Variants in FOXK1 observed in about 807,000 individuals in gnomAD.
FOXK1 encodes forkhead box protein K1.
In FOXK1, 19 loss-of-function variants were observed where a neutral mutation model predicts 51.9. The ratio of observed to expected loss-of-function variants is 0.37; its 90% CI spans 0.26 to 0.54. The LOEUF (loss-of-function observed/expected upper bound fraction) is 0.54. FOXK1 is among the 20% of genes least tolerant of loss of function. The pLI is 0.87. For missense variants in FOXK1, 870 were observed against 1,032.7 expected (o/e 0.84, Z 2.16); for synonymous variants, 537 against 482.6 (o/e 1.11, Z -1.48).
rs199578801 is a variant in FOXK1 at position 4,757,162 on chromosome 7, A to G, written c.1219A>G (p.Thr407Ala). ...RRQRGVSCFR[T>A]PFGPLSSRSA... ...GCAGAGGGGTGTCTCCTGCTTCCGC[A>G]CCCCCTTCGGGCCTCTGTCCTCAAG... The change falls in exon 5 of 9, where the codon ACC becomes GCC. Residue 407 changes from threonine (T) to alanine (A), a missense_variant. Thr to Ala is a moderately conservative substitution (Grantham distance 58). This residue lies in a region of FOXK1 where 457 missense variants were observed against 510.8 expected (regional missense o/e 0.89). Transcript: ENST00000328914. The G allele has an allele frequency of 1.9e-6, 3 of 1,609,520 alleles. No individual in the cohort carries two copies. The highest frequency in any genetic ancestry group is 2.2e-5 in the South Asian group (2 of 90,844).
rs1406356892 is a variant in FOXK1, at chr7:4,761,289, G to A, written c.1921+1G>A. The A allele has an allele frequency of 1.9e-6, 3 of 1,610,910 alleles. No individual in the cohort carries two copies. The highest frequency in any genetic ancestry group is 8.5e-7 in the Non-Finnish European group (1 of 1,179,686). ...AACAGTTTAGCCGGCAACGCTTACG[G>A]TGAGGCCCTGGCCCTGTTCTCCATG... On this transcript the variant is annotated splice_donor_variant, in intron 8 of 8. Transcript: ENST00000328914. LOFTEE classifies it high-confidence loss of function. The surrounding 1 kb of genome is among the most constrained non-coding windows in gnomAD (Gnocchi z 6.2).
chr7:4,741,921 C>T (rs1213635076), intron 2 of FOXK1, among the ~76,000 whole-genome samples: 1 of 152,220 alleles, frequency 6.6e-6, no homozygotes, highest in South Asian at 2.1e-4. Context: ...TGGCCCTGGT[C>T]CTGTCATACA....
At chr7:4,712,222 A>T (rs1780184229) in intron 1 of FOXK1, among the ~76,000 whole-genome samples, 1 of 152,060 alleles carries the variant, frequency 6.6e-6, no homozygotes. Context: ...GTCAGACTTC[A>T]CCAAGAGCAT....
rs1428448100 is a variant in FOXK1 at position 4,759,593 on chromosome 7, G to C, written c.1694G>C (p.Arg565Thr). 1.3e-6 allele frequency: 2 copies of C among 1,534,970 alleles called. No individual in the cohort carries two copies. Among genetic ancestry groups the C allele is most frequent in the African/African-American group, 1.4e-5 (1 of 73,186 alleles). The part of the protein sequence containing the change: ...AAVLDLGSEA[R>T]GLEEKPTIAF... ...GTGCTGGACCTGGGCAGCGAGGCCA[G>C]AGGTAATGCAGCCGCGGCTGGCAGC... Residue 565 changes from arginine to threonine, a missense_variant and splice_region_variant, in exon 7 of 9, where the codon AGA (arginine) becomes ACA (threonine). Arg to Thr is a moderately conservative substitution (Grantham distance 71). This residue lies in a region of FOXK1 where 457 missense variants were observed against 510.8 expected (regional missense o/e 0.89). Transcript: ENST00000328914.
chr7:4,735,839 G>A lies in FOXK1; in HGVS notation c.561-4999G>A, dbSNP rs10271191. 2.3e-3 allele frequency among the ~76,000 whole-genome samples: 347 copies of A among 152,274 alleles called. 1 individual carries two copies. The highest frequency in any genetic ancestry group is 7.9e-3 in the African/African-American group (329 of 41,564). ...GAGAGATGTAACTGGCAAACTCCCT[G>A]AGCATGCTGGGGAAACATCTATTTA... On this transcript the variant is annotated intron_variant, in intron 1 of 8. Coordinates refer to ENST00000328914, the MANE Select transcript of FOXK1 (RefSeq NM_001037165.2). This position sits in a 1 kb window ranked among gnomAD's most constrained non-coding sequence, Gnocchi z 4.7.
At chr7:4,698,774 A>C (rs1228783441) in intron 1 of FOXK1, among the ~76,000 whole-genome samples, 1 of 152,006 alleles carries the variant, frequency 6.6e-6, no homozygotes, top group Non-Finnish European at 1.5e-5. Context: ...GGCTGGTCTC[A>C]AACTCCTGAG....
rs540878681 is a variant in FOXK1 at position 4,743,817 on chromosome 7, G to A, written c.746+2794G>A. 7.0e-4 allele frequency among the ~76,000 whole-genome samples: 106 copies of A among 152,216 alleles called. 1 individual carries two copies. Among genetic ancestry groups the A allele is most frequent in the Admixed American group, 6.4e-3 (98 of 15,288 alleles). ...GCTCCTGAGGAAGGGCTAGGCCAGC[G>A]CCCCCGCCTTAGCCTGGGAGTGGGT... On this transcript the variant is annotated intron_variant, in intron 2 of 8. Transcript: ENST00000328914. The surrounding 1 kb of genome is among the most constrained non-coding windows in gnomAD (Gnocchi z 5.3).
At chr7:4,727,688 C>T (rs527658352) in intron 1 of FOXK1, among the ~76,000 whole-genome samples, 3 of 152,364 alleles carry the variant, frequency 2.0e-5, no homozygotes, top group South Asian at 4.1e-4. Context: ...TGCTGTCCGT[C>T]CCTGCGGCAG....
Position 4,761,074 on chromosome 7 carries a change from G to A in FOXK1, c.1707G>A (p.Glu569=). The stretch of plus-strand genomic sequence containing the variant: ...GTTCCTGTCCCGCAGGCCTGGAGGA[G>A]AAACCCACCATTGCGTTTGCCACAA... ...DLGSEARGLE[E]KPTIAFATIP... is the part of the protein sequence containing the mutation. Residue 569 remains glutamate (E), a synonymous_variant, in exon 8 of 9, where the codon GAG becomes GAA. Transcript: ENST00000328914. The surrounding 1 kb of genome is among the most constrained non-coding windows in gnomAD (Gnocchi z 6.2). The A allele has an allele frequency of 6.2e-7, 1 of 1,611,906 alleles. No homozygotes were observed. The highest frequency in any genetic ancestry group is 1.1e-5 in the South Asian group (1 of 91,050).
intron 1 of FOXK1, among the ~76,000 whole-genome samples, chr7:4,689,135 G>A (rs569815387): frequency 4.5e-4 from 68 of 152,076 alleles, no homozygotes; most frequent in Middle Eastern, 6.8e-3. Flanking sequence ...CCACCACCAC[G>A]CCTGGCTAAT....
At chr7:4,699,801 G>C (rs915351821) in intron 1 of FOXK1, among the ~76,000 whole-genome samples, 3 of 152,176 alleles carry the variant, frequency 2.0e-5, no homozygotes, top group African/African-American at 7.2e-5. Context: ...TTAATTTTCT[G>C]TCTAGTCACA....
chr7:4,692,196 C>A (rs1042539818), intron 1 of FOXK1, among the ~76,000 whole-genome samples: 2 of 152,114 alleles, frequency 1.3e-5, no homozygotes, highest in Non-Finnish European at 2.9e-5. Flanking sequence ...TCTGTAATGT[C>A]TGGCTTAATA....
rs111721285 is a variant in FOXK1, at chr7:4,703,357, G to A, written c.560+20489G>A. On this transcript the variant is annotated intron_variant, in intron 1 of 8. Transcript: ENST00000328914. The surrounding 1 kb of genome is among the most constrained non-coding windows in gnomAD (Gnocchi z 5.6). ...ATGGAGTGGGTAGGGCGTTGTGACA[G>A]CCTGGCTCTCAGGGGATGGGAGGAC... Among the ~76,000 whole-genome samples, 66 of 152,296 alleles carry A rather than the reference G, an allele frequency of 4.3e-4. 1 individual carries two copies. Among genetic ancestry groups the A allele is most frequent in the African/African-American group, 1.4e-3 (60 of 41,564 alleles).
At chr7:4,712,539 C>G (rs1243043417) in intron 1 of FOXK1, among the ~76,000 whole-genome samples, 2 of 152,146 alleles carry the variant, frequency 1.3e-5, no homozygotes, top group Non-Finnish European at 2.9e-5. Flanking sequence ...TGTCCTGCCC[C>G]GCGCGCTTAT....
intron 1 of FOXK1, among the ~76,000 whole-genome samples, chr7:4,696,983 C>A (rs1453756383): frequency 6.6e-6 from 1 of 152,118 alleles, no homozygotes; most frequent in Admixed American, 6.5e-5. Flanking sequence ...CAGGAGAATC[C>A]CTTGAACCCG....
chr7:4,759,702 G>A (rs1016765061), intron 7 of FOXK1, 107 bp downstream of exon 7: 12 of 1,293,570 alleles, frequency 9.3e-6, no homozygotes, highest in Non-Finnish European at 1.2e-5. Flanking sequence ...TGAGGAGGAT[G>A]ATTCTCTGCT....
intron 1 of FOXK1, among the ~76,000 whole-genome samples, chr7:4,716,925 G>A (rs1445856564): frequency 6.6e-6 from 1 of 152,202 alleles, no homozygotes; most frequent in African/African-American, 2.4e-5. Flanking sequence ...ATCCCCAGGT[G>A]AAGGGCAAGT....
intron 1 of FOXK1, among the ~76,000 whole-genome samples, chr7:4,699,251 C>T (rs982722439): frequency 1.3e-5 from 2 of 150,842 alleles, no homozygotes; most frequent in African/African-American, 4.9e-5. Flanking sequence ...CATCTTTGGC[C>T]GTGGGACTCG....
chr7:4,713,382 C>T lies in FOXK1; in HGVS notation c.561-27456C>T, dbSNP rs145133714. On this transcript the variant is annotated intron_variant, in intron 1 of 8. Coordinates refer to ENST00000328914, the MANE Select transcript of FOXK1 (RefSeq NM_001037165.2). ...ACTGGGCTTGGTGTCGCGGAAAAAA[C>T]GAAGGCAGAGAAAGAATTAGACCAC... is the stretch of plus-strand genomic sequence containing the variant. Among the ~76,000 whole-genome samples the T allele has an allele frequency of 3.7e-3, 557 of 150,948 alleles. 6 individuals are homozygous for T. The highest frequency in any genetic ancestry group is 0.013 in the African/African-American group (525 of 40,298).
Sources: gnomAD v4.1 joint callset for allele counts (sites outside exome capture counted in the v4.1 genomes callset) on GRCh38, gnomAD v4.1.1 for gene constraint, gnomAD v4.1.1 regional missense constraint, Gnocchi (gnomAD v3.1) non-coding constraint, MANE v1.5 for transcripts, NCBI Gene and HGNC (gene_info 2026-07-23, HGNC 2026-07-21) for gene names.